Variants in BACH2 observed in about 807,000 individuals in gnomAD.
BACH2 encodes BACH transcriptional regulator 2, also known as transcription regulator protein BACH2.
BACH2 carries 5 observed loss-of-function variants against 61.8 expected under a neutral mutation model. That is an observed-to-expected ratio of 0.08 (90% confidence interval 0.04 to 0.17). The LOEUF is 0.17. Ranked by LOEUF, BACH2 falls within the 10% of genes least tolerant of loss-of-function variation. The probability of loss-of-function intolerance (pLI) is 1.00; values close to 1 mark genes in which losing one functional copy is unlikely to be tolerated. For missense variants in BACH2, 824 were observed against 1,091.1 expected (o/e 0.76, Z 3.45); for synonymous variants, 446 against 440.1 (o/e 1.01, Z -0.17).
At chr6:90,180,441 T>C (rs115259568) in intron 4 of BACH2, among the ~76,000 whole-genome samples, 4 of 152,280 alleles carry the variant, frequency 2.6e-5, no homozygotes, top group African/African-American at 9.6e-5. Context: ...ATAAACTGTA[T>C]AGTGGTAAAT....
At chr6:90,004,315 A>C (rs1014280959) in intron 6 of BACH2, among the ~76,000 whole-genome samples, 3 of 152,206 alleles carry the variant, frequency 2.0e-5, no homozygotes, top group Admixed American at 1.3e-4. Context: ...GAGAGAAAGC[A>C]AAAGATAGTG....
intron 5 of BACH2, among the ~76,000 whole-genome samples, chr6:90,012,400 C>T (rs944076881): frequency 6.6e-6 from 1 of 151,892 alleles, no homozygotes; most frequent in African/African-American, 2.4e-5. Context: ...GAGGCTGAGG[C>T]AGGTGGATAA....
chr6:89,998,818 A>G (rs1410489496), intron 6 of BACH2, among the ~76,000 whole-genome samples: 3 of 152,124 alleles, frequency 2.0e-5, no homozygotes, highest in Admixed American at 6.6e-5. Flanking sequence ...TGTTCTCACC[A>G]TAAGAAGGGC....
intron 3 of BACH2, among the ~76,000 whole-genome samples, chr6:90,217,179 G>A (rs1388905937): frequency 1.3e-5 from 2 of 152,188 alleles, no homozygotes; most frequent in South Asian, 2.1e-4. Context: ...GTTGGACTAT[G>A]TTATCATCAA....
At chr6:89,963,547 CT>C (rs1214062862) in intron 6 of BACH2, among the ~76,000 whole-genome samples, 1 of 152,202 alleles carries the variant, frequency 6.6e-6, no homozygotes, top group East Asian at 1.9e-4. Context: ...CTGCCTCGTT[CT>C]CCCAAAGTGC....
At chr6:89,972,604 A>C (rs1452862102) in intron 6 of BACH2, among the ~76,000 whole-genome samples, 1 of 152,098 alleles carries the variant, frequency 6.6e-6, no homozygotes, top group Non-Finnish European at 1.5e-5. Flanking sequence ...CAGAGTCATA[A>C]ATTTTGGAGG....
chr6:90,118,284 G>T (rs1460917908), intron 4 of BACH2, among the ~76,000 whole-genome samples: 1 of 152,184 alleles, frequency 6.6e-6, no homozygotes, highest in East Asian at 1.9e-4. Flanking sequence ...CTTTGCTACT[G>T]ACTAGCTTTT....
chr6:90,095,759 CCAT>C (rs1006224643), intron 4 of BACH2, among the ~76,000 whole-genome samples: 8 of 139,980 alleles, frequency 5.7e-5, no homozygotes, highest in African/African-American at 2.3e-4. Flanking sequence ...ATCACCATCA[CCAT>C]CATCATCATC....
chr6:89,999,588 T>A (rs1303125518), intron 6 of BACH2, among the ~76,000 whole-genome samples: 1 of 152,214 alleles, frequency 6.6e-6, no homozygotes, highest in East Asian at 1.9e-4. Flanking sequence ...AGGCCCGGGT[T>A]CTATGATTAA....
At chr6:90,238,524 A>T (rs141355004) in intron 3 of BACH2, among the ~76,000 whole-genome samples, 2 of 152,236 alleles carry the variant, frequency 1.3e-5, no homozygotes, top group South Asian at 4.1e-4. Context: ...CTCACTCCTA[A>T]TAAGAATGAA....
chr6:90,265,899 C>T (rs1771313562), intron 2 of BACH2, among the ~76,000 whole-genome samples: 1 of 152,172 alleles, frequency 6.6e-6, no homozygotes, highest in Admixed American at 6.5e-5. Context: ...TGTAACAGTG[C>T]TCTCTATACA....
chr6:90,059,405 C>T (rs1190042049), intron 5 of BACH2, among the ~76,000 whole-genome samples: 1 of 152,160 alleles, frequency 6.6e-6, no homozygotes, highest in African/African-American at 2.4e-5. Flanking sequence ...CAGAGGAATA[C>T]AAATCAAAAC....
chr6:90,194,898 C>T (rs558558525), intron 4 of BACH2, among the ~76,000 whole-genome samples: 1 of 152,262 alleles, frequency 6.6e-6, no homozygotes, highest in South Asian at 2.1e-4. Flanking sequence ...CTGTGTTTAA[C>T]TTTGCTTTGT....
intron 5 of BACH2, among the ~76,000 whole-genome samples, chr6:90,052,669 C>T (rs1780108283): frequency 6.6e-6 from 1 of 152,194 alleles, no homozygotes; most frequent in South Asian, 2.1e-4. Flanking sequence ...GATCTGCCTG[C>T]CTCAGTCTCC....
chr6:90,046,014 C>G (rs1562397111), intron 5 of BACH2, among the ~76,000 whole-genome samples: 1 of 151,880 alleles, frequency 6.6e-6, no homozygotes. Flanking sequence ...CAAAGATATT[C>G]CTCTGTATCT....
At chr6:89,995,622 T>C (rs760606937) in intron 6 of BACH2, among the ~76,000 whole-genome samples, 46 of 152,286 alleles carry the variant, frequency 3.0e-4, no homozygotes, top group Non-Finnish European at 5.7e-4. Flanking sequence ...GGTATAATAA[T>C]AGTGTCCATC....
chr6:89,944,152 G>C (rs1049031122), intron 7 of BACH2, among the ~76,000 whole-genome samples: 2 of 152,222 alleles, frequency 1.3e-5, no homozygotes, highest in Non-Finnish European at 2.9e-5. Context: ...TTAATTAGTT[G>C]TGTGATCTCA....
At chr6:90,137,864 C>G (rs1784328124) in intron 4 of BACH2, among the ~76,000 whole-genome samples, 1 of 152,118 alleles carries the variant, frequency 6.6e-6, no homozygotes, top group East Asian at 1.9e-4. Flanking sequence ...CAAAGCCAGG[C>G]AGTGTGGGAC....
chr6:89,932,328 A>C lies in BACH2; in HGVS notation c.*80T>G. The stretch of plus-strand genomic sequence containing the variant: ...AATGTGTTCTCGGTTTCTTCGGGAC[A>C]GCAGATGAACAGTGCCACAGGCTGA... On this transcript the variant is annotated 3_prime_UTR_variant, in exon 9 of 9. Coordinates refer to ENST00000257749, the MANE Select transcript of BACH2 (RefSeq NM_021813.4). 3 of 1,529,482 alleles carry C rather than the reference A, an allele frequency of 2.0e-6. No homozygotes were observed. Among genetic ancestry groups the C allele is most frequent in the Non-Finnish European group, 2.7e-6 (3 of 1,127,178 alleles). 94.7% of individuals were successfully genotyped at this position (1,529,482 alleles called of 1,614,324 possible).
Sources: allele counts gnomAD v4.1 joint callset (sites outside exome capture counted in the v4.1 genomes callset), GRCh38; gene constraint gnomAD v4.1.1; transcripts MANE v1.5; gene names NCBI Gene and HGNC (gene_info 2026-07-23, HGNC 2026-07-21).